ZNF721: variants seen among roughly 807,000 people sequenced by gnomAD.
ZNF721 encodes the protein zinc finger protein 721.
Under a neutral mutation model 2.4 loss-of-function variants are expected in ZNF721, and 2 were observed. The ratio of observed to expected loss-of-function variants is 0.82; its 90% CI spans 0.34 to 2.58. ZNF721 has a LOEUF of 2.58. ZNF721 is among the 30% of genes most tolerant of loss of function. The probability of loss-of-function intolerance (pLI) is 0.11; values close to 1 mark genes in which losing one functional copy is unlikely to be tolerated. For synonymous variants in ZNF721, 398 were observed against 381.8 expected (o/e 1.04, Z -0.50); for missense variants, 1,187 against 1,085.5 (o/e 1.09, Z -1.31).
chr4:468,138 G>A (rs1254167311), intron 2 of ZNF721, among the ~76,000 whole-genome samples: 1 of 152,146 alleles, frequency 6.6e-6, no homozygotes, highest in African/African-American at 2.4e-5. Context: ...ACGGTGACGG[G>A]CGCCTTTAGT....
At chr4:477,584 C>G (rs1715665017) in intron 1 of ZNF721, among the ~76,000 whole-genome samples, 1 of 152,016 alleles carries the variant, frequency 6.6e-6, no homozygotes, top group African/African-American at 2.4e-5. Flanking sequence ...ACAGAAGACC[C>G]ACAGTGCCCC....
intron 2 of ZNF721, among the ~76,000 whole-genome samples, chr4:445,160 T>C (rs1222277245): frequency 6.6e-6 from 1 of 151,946 alleles, no homozygotes; most frequent in Non-Finnish European, 1.5e-5. Context: ...AATTTTTGTA[T>C]TTTTAGTAGA....
At chr4:466,036 G>C (rs1483740562) in intron 2 of ZNF721, among the ~76,000 whole-genome samples, 1 of 141,662 alleles carries the variant, frequency 7.1e-6, no homozygotes, top group African/African-American at 2.6e-5. Flanking sequence ...TCACTCTATC[G>C]CTCAGGCTGG....
At chr4:467,271 A>G (rs1298124642) in intron 2 of ZNF721, among the ~76,000 whole-genome samples, 1 of 152,216 alleles carries the variant, frequency 6.6e-6, no homozygotes, top group African/African-American at 2.4e-5. Flanking sequence ...TACACATACA[A>G]TGAAAAATTC....
rs782434026 is a variant in ZNF721, at chr4:443,594, G to A, written c.873C>T (p.Thr291=). The change falls in exon 3 of 3, where the codon ACC becomes ACT. Residue 291 remains threonine (T), a synonymous_variant. Coordinates refer to ENST00000511833, the MANE Select transcript of ZNF721 (RefSeq NM_133474.4). ...ECGKAFNIST[T]LTKHRRIHTG... ...TATGAATTCTCCTATGTTTAGTAAG[G>A]GTTGTGGAAATATTAAAGGCTTTAC... 1.2e-6 allele frequency: 2 copies of A among 1,613,840 alleles called. No homozygotes were observed. Among genetic ancestry groups the A allele is most frequent in the Admixed American group, 1.7e-5 (1 of 59,992 alleles).
chr4:473,745 C>T lies in ZNF721; in HGVS notation c.-93-1044G>A, dbSNP rs1431066857. Among the ~76,000 whole-genome samples the T allele has an allele frequency of 3.9e-5, 6 of 152,210 alleles. 1 individual carries two copies. Among genetic ancestry groups the T allele is most frequent in the African/African-American group, 1.4e-4 (6 of 41,458 alleles). On this transcript the variant is annotated intron_variant, in intron 1 of 2. Transcript: ENST00000511833. ...ATGAGCTTCTCCTCACCCCACAGCCCGGGGAAGGTGCAGGGTTGCGGCGCA... is the reference window on the plus strand; with the variant it reads ...ATGAGCTTCTCCTCACCCCACAGCCTGGGGAAGGTGCAGGGTTGCGGCGCA...
intron 2 of ZNF721, among the ~76,000 whole-genome samples, chr4:458,086 A>C (rs1553865598): frequency 1.3e-5 from 2 of 152,244 alleles, no homozygotes; most frequent in African/African-American, 4.8e-5. Flanking sequence ...ACTAGGTTAG[A>C]GCATTTCCAA....
chr4:465,438 T>G (rs1553866626), intron 2 of ZNF721, among the ~76,000 whole-genome samples: 4 of 150,738 alleles, frequency 2.7e-5, no homozygotes, highest in East Asian at 1.9e-4. Flanking sequence ...GTTTTTTGTT[T>G]TTTTTTTTTT....
chr4:474,871 G>A (rs546494402), intron 1 of ZNF721, among the ~76,000 whole-genome samples: 2 of 152,044 alleles, frequency 1.3e-5, no homozygotes, highest in African/African-American at 2.4e-5. Context: ...GTGAGACTCC[G>A]TCTCAAAAAA....
At chr4:470,588 C>G (rs1553867457) in intron 2 of ZNF721, among the ~76,000 whole-genome samples, 1 of 152,064 alleles carries the variant, frequency 6.6e-6, no homozygotes, top group East Asian at 1.9e-4. Flanking sequence ...TGGTGCATGC[C>G]TGTAATTCCC....
chr4:486,454 G>T (rs1244940573), intron 1 of ZNF721, among the ~76,000 whole-genome samples: 1 of 152,146 alleles, frequency 6.6e-6, no homozygotes, highest in Admixed American at 6.5e-5. Context: ...ACCGCGCCCG[G>T]CCTTAGTTGT....
chr4:489,755 G>T (rs782010854), intron 1 of ZNF721, among the ~76,000 whole-genome samples: 1 of 152,186 alleles, frequency 6.6e-6, no homozygotes, highest in South Asian at 2.1e-4. Context: ...AAAATGTGCT[G>T]CAAATGTAAA....
intron 1 of ZNF721, among the ~76,000 whole-genome samples, chr4:480,012 T>C (rs1443649650): frequency 3.3e-5 from 5 of 152,338 alleles, no homozygotes; most frequent in South Asian, 2.1e-4. Flanking sequence ...CAGTGTATTG[T>C]GTGTTTGGTT....
intron 1 of ZNF721, among the ~76,000 whole-genome samples, chr4:481,843 G>C (rs1257482146): frequency 1.3e-5 from 2 of 152,220 alleles, no homozygotes; most frequent in African/African-American, 4.8e-5. Flanking sequence ...TGTGGTGCCT[G>C]TGCAAATGCT....
chr4:487,826 C>G (rs1409044708), intron 1 of ZNF721, among the ~76,000 whole-genome samples: 2 of 152,144 alleles, frequency 1.3e-5, no homozygotes, highest in Non-Finnish European at 2.9e-5. Context: ...AGCCAGTTAA[C>G]GTGAACTTCC....
At chr4:445,116 C>A (rs1054637673) in intron 2 of ZNF721, among the ~76,000 whole-genome samples, 1 of 151,430 alleles carries the variant, frequency 6.6e-6, no homozygotes, top group Middle Eastern at 3.2e-3. Flanking sequence ...TCCCCAATAG[C>A]TGGGACTACA....
At chr4:450,000 G>A (rs1016755545) in intron 2 of ZNF721, among the ~76,000 whole-genome samples, 1 of 152,116 alleles carries the variant, frequency 6.6e-6, no homozygotes, top group Non-Finnish European at 1.5e-5. Flanking sequence ...GATAACATAT[G>A]TTTAAACCAT....
chr4:457,434 C>T (rs1482466257), intron 2 of ZNF721, among the ~76,000 whole-genome samples: 3 of 152,170 alleles, frequency 2.0e-5, no homozygotes, highest in African/African-American at 7.2e-5. Flanking sequence ...ACAGTCCCAG[C>T]TACAGAATAA....
At chr4:497,733 A>C (rs112752723) in intron 1 of ZNF721, among the ~76,000 whole-genome samples, 19 of 55,008 alleles carry the variant, frequency 3.5e-4, no homozygotes, top group South Asian at 6.4e-4. Flanking sequence ...TAAAAAATAC[A>C]AAAAAAAAAA....
Sources: gnomAD v4.1 joint callset for allele counts (sites outside exome capture counted in the v4.1 genomes callset) on GRCh38, gnomAD v4.1.1 for gene constraint, MANE v1.5 for transcripts, NCBI Gene and HGNC (gene_info 2026-07-23, HGNC 2026-07-21) for gene names.